Variants in SHROOM4 observed in about 807,000 individuals in gnomAD.
SHROOM4 encodes shroom family member 4.
Under a neutral mutation model 80.3 loss-of-function variants are expected in SHROOM4, and 17 were observed. The ratio of observed to expected loss-of-function variants is 0.21; its 90% confidence interval spans 0.14 to 0.32. The LOEUF (loss-of-function observed/expected upper bound fraction) is 0.32, where lower values mean the gene tolerates loss of function less well. SHROOM4 is among the 10% of genes least tolerant of loss of function. The pLI, the probability that SHROOM4 is intolerant of heterozygous loss-of-function variation, is 1.00. For missense variants in SHROOM4, 993 were observed against 1,140.3 expected (o/e 0.87, Z 1.86); for synonymous variants, 400 against 437.5 (o/e 0.91, Z 1.07).
chrX:50,658,865 G>T (rs1557259712), intron 2 of SHROOM4, among the ~76,000 whole-genome samples: 1 of 111,643 alleles, frequency 9.0e-6, no homozygotes, highest in Non-Finnish European at 1.9e-5. Flanking sequence ...GAGCAGAGGA[G>T]TCTACAAGGA....
At chrX:50,800,239 G>A (rs1313516195) in intron 1 of SHROOM4, among the ~76,000 whole-genome samples, 2 of 112,288 alleles carry the variant, frequency 1.8e-5, no homozygotes, top group African/African-American at 6.5e-5. Flanking sequence ...CTTGGAAGTG[G>A]AAAGGGGAAA....
At position 50,593,778 on chromosome X, in the gene SHROOM4, C is replaced by A. The variant is rs1383491386; in HGVS notation, c.*2917G>T. On this transcript the variant is annotated 3_prime_UTR_variant, in exon 9 of 9. Transcript: ENST00000376020. Reference sequence around the variant, plus strand: ...GGTTAAATGGAAAACAGAACCTGAACCTAACCTTGAAGGAGGCTTTTTATC... The same window carrying A: ...GGTTAAATGGAAAACAGAACCTGAAACTAACCTTGAAGGAGGCTTTTTATC... The A allele has an allele frequency of 8.9e-6, 1 of 112,296 alleles. No homozygotes were observed. The highest frequency in any genetic ancestry group is 1.9e-5 in the Non-Finnish European group (1 of 53,303). The allele number at this position is 112,296 out of a possible 1,213,427, so 9.3% of individuals were successfully genotyped here. A position where few individuals can be genotyped will look rare whatever the true frequency, so the allele number is the denominator to read the frequency against.
intron 2 of SHROOM4, among the ~76,000 whole-genome samples, chrX:50,677,874 T>C (rs1262967611): frequency 7.2e-5 from 8 of 111,739 alleles, no homozygotes; most frequent in African/African-American, 2.6e-4. Context: ...AGTCAACCTA[T>C]TGACTTCCCA....
At chrX:50,629,067 A>T (rs186374077) in intron 4 of SHROOM4, among the ~76,000 whole-genome samples, 1 of 112,079 alleles carries the variant, frequency 8.9e-6, no homozygotes, top group Non-Finnish European at 1.9e-5. Flanking sequence ...GGACGTGCTC[A>T]GTAAATAGCA....
At chrX:50,628,243 G>A (rs1008545324) in intron 4 of SHROOM4, among the ~76,000 whole-genome samples, 5 of 111,297 alleles carry the variant, frequency 4.5e-5, no homozygotes, top group Non-Finnish European at 9.4e-5. Context: ...GCTGGCAGGG[G>A]CTGAGGTGGG....
At chrX:50,730,794 A>AT (rs1238024507) in intron 1 of SHROOM4, among the ~76,000 whole-genome samples, 1 of 110,953 alleles carries the variant, frequency 9.0e-6, no homozygotes, top group African/African-American at 3.3e-5. Context: ...AAAAAAAAAA[A>AT]AATAACATTA....
intron 1 of SHROOM4, among the ~76,000 whole-genome samples, chrX:50,758,307 G>T (rs782260514): frequency 1.6e-4 from 18 of 111,913 alleles, no homozygotes; most frequent in Admixed American, 8.5e-4. Context: ...TAAAGCAAAA[G>T]AATTCAGTCT....
Position 50,593,167 on chromosome X carries a change from C to T in SHROOM4, c.*3528G>A, listed in dbSNP as rs1488502519. 2 of 111,816 alleles carry T rather than the reference C, an allele frequency of 1.8e-5. No homozygotes were observed. Among genetic ancestry groups the T allele is most frequent in the Admixed American group, 1.9e-4 (2 of 10,513 alleles). 9.2% of individuals were successfully genotyped at this position (111,816 alleles called of 1,213,427 possible). ...TGAATGGTATAGCATCAATACCATCCCTCAGAGGCCAGGGTAAGGGTTTAG... is the reference window on the plus strand; with the variant it reads ...TGAATGGTATAGCATCAATACCATCTCTCAGAGGCCAGGGTAAGGGTTTAG... On this transcript the variant is annotated 3_prime_UTR_variant, in exon 9 of 9. Transcript: ENST00000376020.
chrX:50,647,106 T>A (rs1169241841), intron 2 of SHROOM4, among the ~76,000 whole-genome samples: 1 of 111,822 alleles, frequency 8.9e-6, no homozygotes, highest in Non-Finnish European at 1.9e-5. Flanking sequence ...TGCTTAGTAC[T>A]TTAGAAATGC....
chrX:50,811,650 T>G (rs1227012156), intron 1 of SHROOM4, among the ~76,000 whole-genome samples: 1 of 111,512 alleles, frequency 9.0e-6, no homozygotes, highest in African/African-American at 3.3e-5. Flanking sequence ...AACAGTGTCT[T>G]GTCAAGAAAA....
intron 5 of SHROOM4, among the ~76,000 whole-genome samples, chrX:50,610,096 A>G (rs1250580416): frequency 9.0e-6 from 1 of 111,301 alleles, no homozygotes; most frequent in East Asian, 2.8e-4. Flanking sequence ...TGAAGATTGG[A>G]AATAGTTCTT....
chrX:50,674,644 TAGG>T (rs1307075659), intron 2 of SHROOM4, among the ~76,000 whole-genome samples: 2 of 110,980 alleles, frequency 1.8e-5, no homozygotes, highest in African/African-American at 6.5e-5. Context: ...TAGAAAAAAA[TAGG>T]AGAAAAAATT....
chrX:50,684,026 T>C (rs1270510731), intron 2 of SHROOM4, among the ~76,000 whole-genome samples: 2 of 111,586 alleles, frequency 1.8e-5, no homozygotes, highest in Non-Finnish European at 3.8e-5. Flanking sequence ...AGATAAAATT[T>C]TTAGAAGACA....
chrX:50,648,753 T>C (rs1395917586), intron 2 of SHROOM4, among the ~76,000 whole-genome samples: 7 of 111,512 alleles, frequency 6.3e-5, no homozygotes, highest in Non-Finnish European at 9.4e-5. Context: ...AGGAATACCA[T>C]GAAGGAAGAA....
At position 50,813,954 on chromosome X, in the gene SHROOM4, C is replaced by T. The variant is rs138914197; in HGVS notation, c.65G>A (p.Gly22Asp). The change falls in exon 1 of 9, where the codon GGC becomes GAC. Residue 22 changes from glycine to aspartate, a missense_variant. Transcript: ENST00000376020. ...TTCCAGACCCCCCTTAAGGGTGAAG[C>T]CCCAGGGTGCCCCCCCTTGCAGCTG... ...PVQLQGGAPW[G>D]FTLKGGLEHC... 9.9e-6 allele frequency: 12 copies of T among 1,207,500 alleles called. No individual in the cohort carries two copies. Among genetic ancestry groups the T allele is most frequent in the Admixed American group, 2.2e-5 (1 of 45,774 alleles).
chrX:50,601,702 C>T (rs1929420287), intron 7 of SHROOM4, among the ~76,000 whole-genome samples: 1 of 112,085 alleles, frequency 8.9e-6, no homozygotes, highest in South Asian at 3.8e-4. Flanking sequence ...ACAACAACAT[C>T]ATCATCTCCA....
chrX:50,801,261 GGAGAGAGAGAGA>G (rs781878531), intron 1 of SHROOM4, among the ~76,000 whole-genome samples: 2 of 81,530 alleles, frequency 2.5e-5, no homozygotes, highest in Non-Finnish European at 4.6e-5. Context: ...GAGAGAAAGA[GGAGAGAGAGAGA>G]GAGAGAGAGA....
intron 3 of SHROOM4, among the ~76,000 whole-genome samples, chrX:50,637,038 T>A (rs943578495): frequency 9.0e-6 from 1 of 111,238 alleles, no homozygotes; most frequent in Non-Finnish European, 1.9e-5. Flanking sequence ...ATTGATAATA[T>A]AGGGGCCTCT....
intron 1 of SHROOM4, among the ~76,000 whole-genome samples, chrX:50,702,170 A>G (rs1557263584): frequency 8.9e-6 from 1 of 112,087 alleles, no homozygotes; most frequent in African/African-American, 3.2e-5. Context: ...TTAAAATTAT[A>G]GTAAAGTGTC....
Sources: gnomAD v4.1 joint callset for allele counts (sites outside exome capture counted in the v4.1 genomes callset) on GRCh38, gnomAD v4.1.1 for gene constraint, MANE v1.5 for transcripts, NCBI Gene and HGNC (gene_info 2026-07-23, HGNC 2026-07-21) for gene names.